Variants in FUNDC1 observed in about 807,000 individuals in gnomAD.
FUNDC1 encodes FUN14 domain containing 1.
Under a neutral mutation model 14.5 loss-of-function variants are expected in FUNDC1, and 10 were observed. That is an observed-to-expected ratio of 0.69 (90% CI 0.43 to 1.17). The LOEUF (loss-of-function observed/expected upper bound fraction) is 1.17. Ranked by LOEUF, FUNDC1 falls within the 50% of genes most tolerant of loss-of-function variation. FUNDC1 has a pLI of 0.00. For missense variants in FUNDC1, 115 were observed against 113.8 expected (o/e 1.01, Z -0.05); for synonymous variants, 33 against 39.7 (o/e 0.83, Z 0.64).
At chrX:44,530,223 C>T (rs1023934448) in intron 3 of FUNDC1, among the ~76,000 whole-genome samples, 1 of 112,090 alleles carries the variant, frequency 8.9e-6, no homozygotes, top group African/African-American at 3.2e-5. Flanking sequence ...GAACATTTGA[C>T]TTCCTATAAC....
At chrX:44,528,962 T>G (rs1444561606) in intron 3 of FUNDC1, among the ~76,000 whole-genome samples, 4 of 112,119 alleles carry the variant, frequency 3.6e-5, no homozygotes, top group African/African-American at 1.3e-4. Flanking sequence ...CCCAAAGTGC[T>G]GGGATTACAG....
At chrX:44,534,980 T>C (rs768310346) in intron 3 of FUNDC1, among the ~76,000 whole-genome samples, 6 of 110,674 alleles carry the variant, frequency 5.4e-5, no homozygotes, top group African/African-American at 2.0e-4. Flanking sequence ...GACCTCCCTA[T>C]TATACAAAAA....
In FUNDC1 at chrX:44,531,312, C is replaced by CA. The variant is rs1477318576; in HGVS notation, c.262-3948_262-3947insT. Among the ~76,000 whole-genome samples the CA allele has an allele frequency of 1.6e-3, 37 of 22,798 alleles. 6 individuals carry two copies. Among genetic ancestry groups the CA allele is most frequent in the African/African-American group, 0.01 (10 of 991 alleles). 19.8% of individuals were successfully genotyped at this position (22,798 alleles called of 115,157 possible). A position where few individuals can be genotyped will look rare whatever the true frequency, so the allele number is the denominator to read the frequency against. ...GCTTTCAGATGAAGATTCATGTTGGCCAGACACACACACACACACACACAC... is the reference window on the plus strand; with the variant it reads ...GCTTTCAGATGAAGATTCATGTTGGCACAGACACACACACACACACACACAC... On this transcript the variant is annotated intron_variant, in intron 3 of 4. Transcript: ENST00000378045.
At chrX:44,527,523 A>T (rs2038907228) in intron 3 of FUNDC1, among the ~76,000 whole-genome samples, 158 bp from the exon 4 acceptor site, 1 of 112,020 alleles carries the variant, frequency 8.9e-6, no homozygotes, top group Non-Finnish European at 1.9e-5. Context: ...AACAGACACT[A>T]GTGCCTACCC....
chrX:44,527,213 AGTC>A, intron 4 of FUNDC1, 21 bp downstream of exon 4: 1 of 1,116,306 alleles, frequency 9.0e-7, no homozygotes, highest in Non-Finnish European at 1.2e-6. Context: ...AAAAAAAAAA[AGTC>A]AAAATTATAT....
At chrX:44,537,072 G>A (rs1479960718) in intron 3 of FUNDC1, among the ~76,000 whole-genome samples, 1 of 111,904 alleles carries the variant, frequency 8.9e-6, no homozygotes, top group East Asian at 2.8e-4. Context: ...GAGTTTTCAA[G>A]GTTAGTCGTA....
chrX:44,538,051 G>A (rs186564492), intron 3 of FUNDC1, among the ~76,000 whole-genome samples: 1,318 of 112,268 alleles, frequency 0.012, 12 homozygotes, highest in Middle Eastern at 0.019. Flanking sequence ...GCACGATCTC[G>A]GCTCACTGCA....
chrX:44,534,301 T>A (rs976890299), intron 3 of FUNDC1, among the ~76,000 whole-genome samples: 1 of 109,363 alleles, frequency 9.1e-6, no homozygotes, highest in African/African-American at 3.3e-5. Context: ...CTGGGCAACA[T>A]AGCAAGACCT....
intron 4 of FUNDC1, 63 bp downstream of exon 4, chrX:44,527,174 G>A: frequency 1.1e-6 from 1 of 894,842 alleles, no homozygotes; most frequent in Non-Finnish European, 1.5e-6. Context: ...TTTCTGCTAA[G>A]GGATACCCAT....
chrX:44,529,998 C>A (rs1389068939), intron 3 of FUNDC1, among the ~76,000 whole-genome samples: 1 of 111,848 alleles, frequency 8.9e-6, no homozygotes, highest in Admixed American at 9.6e-5. Flanking sequence ...TCTGATCAAA[C>A]CGAAGAATAC....
intron 3 of FUNDC1, among the ~76,000 whole-genome samples, chrX:44,528,894 A>C (rs1326071115): frequency 9.0e-6 from 1 of 110,531 alleles, no homozygotes; most frequent in Non-Finnish European, 1.9e-5. Context: ...AAGGGGTTTC[A>C]CCGTGTTAGC....
chrX:44,531,315 GACACACACACACACACAC>G (rs766982993), intron 3 of FUNDC1, among the ~76,000 whole-genome samples: 6 of 18,880 alleles, frequency 3.2e-4, no homozygotes, highest in East Asian at 1.3e-3. Context: ...ATGTTGGCCA[GACACACACACACACACAC>G]ACACACACAC....
At chrX:44,534,608 A>G (rs1309065961) in intron 3 of FUNDC1, among the ~76,000 whole-genome samples, 1 of 109,215 alleles carries the variant, frequency 9.2e-6, no homozygotes, top group African/African-American at 3.3e-5. Flanking sequence ...ACTGAAAGGA[A>G]AAAAAAAAAC....
At chrX:44,530,366 G>C (rs1165309269) in intron 3 of FUNDC1, among the ~76,000 whole-genome samples, 1 of 112,062 alleles carries the variant, frequency 8.9e-6, no homozygotes, top group African/African-American at 3.2e-5. Context: ...AGCACTTTGG[G>C]AGGCCGAGGC....
intron 2 of FUNDC1, among the ~76,000 whole-genome samples, chrX:44,539,679 T>A (rs934569482): frequency 5.4e-5 from 6 of 111,500 alleles, no homozygotes; most frequent in African/African-American, 2.0e-4. Flanking sequence ...TTAATTAATT[T>A]ATTTTTTAGA....
chrX:44,542,073 T>C lies in FUNDC1; in HGVS notation c.57A>G (p.Glu19=), dbSNP rs2038974349. The change falls in exon 2 of 5, where the codon GAA becomes GAG. Residue 19 remains glutamate, a synonymous_variant. Coordinates refer to ENST00000378045, the MANE Select transcript of FUNDC1 (RefSeq NM_173794.4). ...QDYESDDDSY[E]VLDLTEYARR... ...TTGCATACTCAGTTAAATCCAACAC[T>C]TCATAAGAGTCGTCATCACTTTCAT... The C allele has an allele frequency of 2.5e-6, 3 of 1,201,582 alleles. No individual in the cohort carries two copies. The highest frequency in any genetic ancestry group is 3.4e-6 in the Non-Finnish European group (3 of 889,243).
chrX:44,523,831 T>G lies in FUNDC1; in HGVS notation c.*367A>C, dbSNP rs1043564011. 1.6e-5 allele frequency: 2 copies of G among 127,266 alleles called. No individual in the cohort carries two copies. Among genetic ancestry groups the G allele is most frequent in the African/African-American group, 6.4e-5 (2 of 31,449 alleles). 10.5% of individuals were successfully genotyped at this position (127,266 alleles called of 1,213,427 possible). On this transcript the variant is annotated 3_prime_UTR_variant, in exon 5 of 5. Transcript: ENST00000378045. Reference sequence around the variant, plus strand: ...TACCATAAAACACAATGAAGAACATTTTATTTAAATAAAAAGAGAATATTT... The same window carrying G: ...TACCATAAAACACAATGAAGAACATGTTATTTAAATAAAAAGAGAATATTT...
chrX:44,535,299 C>T (rs1440877870), intron 3 of FUNDC1, among the ~76,000 whole-genome samples: 1 of 110,742 alleles, frequency 9.0e-6, no homozygotes, highest in Non-Finnish European at 1.9e-5. Flanking sequence ...CAAGTTTGCC[C>T]AGACGGTTAA....
chrX:44,538,401 T>C, intron 3 of FUNDC1, 66 bp downstream of exon 3: 1 of 827,593 alleles, frequency 1.2e-6, no homozygotes, highest in Non-Finnish European at 1.8e-6. Context: ...TTCCATAAAC[T>C]GATGCCTAAA....
Sources: gnomAD v4.1 joint callset for allele counts (sites outside exome capture counted in the v4.1 genomes callset) on GRCh38, gnomAD v4.1.1 for gene constraint, MANE v1.5 for transcripts, NCBI Gene and HGNC (gene_info 2026-07-23, HGNC 2026-07-21) for gene names.